NFKBIA: variants seen among roughly 807,000 people sequenced by gnomAD.
NFKBIA encodes the protein NFKB inhibitor alpha, also known as NF-kappa-B inhibitor alpha.
NFKBIA carries 10 observed loss-of-function variants against 36.3 expected under a neutral mutation model. That is an observed-to-expected ratio of 0.28 (90% confidence interval 0.17 to 0.47). NFKBIA has a LOEUF of 0.47. Ranked by LOEUF, NFKBIA falls within the 20% of genes least tolerant of loss-of-function variation. NFKBIA has a pLI of 0.99. For synonymous variants in NFKBIA, 205 were observed against 164.4 expected (o/e 1.25, Z -1.89); for missense variants, 355 against 399.3 (o/e 0.89, Z 0.94).
At chr14:35,403,486 A>C (rs1438575939) in intron 2 of NFKBIA, 126 bp from the exon 3 acceptor site, 1 of 1,076,040 alleles carries the variant, frequency 9.3e-7, no homozygotes, top group African/African-American at 1.6e-5. Flanking sequence ...AGGGCTGGCA[A>C]ATAGCAGAGG....
intron 5 of NFKBIA, among the ~76,000 whole-genome samples, 159 bp downstream of exon 5, chr14:35,402,235 A>AGTAAGCTATTAAAAAAAG (rs70937092): frequency 3.9e-4 from 58 of 148,944 alleles, no homozygotes; most frequent in Admixed American, 1.4e-3. Context: ...TTAAAAAAAG[A>AGTAAGCTATTAAAAAAAG]GGGGGGGCAG....
rs1473750287 is a variant in NFKBIA at position 35,402,750 on chromosome 14, TCGGG to T, written c.636+17_636+20del. On this transcript the variant is annotated intron_variant, in intron 4 of 5. Coordinates refer to ENST00000216797, the MANE Select transcript of NFKBIA (RefSeq NM_020529.3). ...AGCACGAGGAGCCTGACTCAGTGCG[TCGGG>T]GGCAGGAAGCACCAACCTGAGCATT... 2.5e-6 allele frequency: 4 copies of T among 1,613,944 alleles called. No homozygotes were observed. In the Admixed American group the frequency reaches 6.7e-5, roughly 27 times the overall value.
intron 4 of NFKBIA, 47 bp from the exon 5 acceptor site, chr14:35,402,710 T>G: frequency 6.2e-7 from 1 of 1,614,186 alleles, no homozygotes; most frequent in Non-Finnish European, 8.5e-7. Context: ...ATTTGGAATT[T>G]CTGCTCACAA....
In NFKBIA at chr14:35,402,613, A is replaced by C; in HGVS notation, c.687T>G (p.Asn229Lys). 6.2e-7 allele frequency: 1 copy of C among 1,614,206 alleles called. No homozygotes were observed. The highest frequency in any genetic ancestry group is 8.5e-7 in the Non-Finnish European group (1 of 1,180,042). The change falls in exon 5 of 6, where the codon AAT (asparagine) becomes AAG (lysine). Residue 229 changes from asparagine (N) to lysine (K), a missense_variant. Coordinates refer to ENST00000216797, the MANE Select transcript of NFKBIA (RefSeq NM_020529.3). The stretch of plus-strand genomic sequence containing the variant: ...TCAACAGGAGTGACACCAGGTCAGG[A>C]TTTTGCAGGTCCACTGCGAGGTGAA... ...TALHLAVDLQ[N>K]PDLVSLLLKC...
At position 35,403,813 on chromosome 14, in the gene NFKBIA, G is replaced by A. The variant is rs752721097; in HGVS notation, c.228-15C>T. 1.6e-5 allele frequency: 26 copies of A among 1,597,326 alleles called. No individual in the cohort carries two copies. In the Middle Eastern group the frequency reaches 1.0e-3, roughly 64 times the overall value. ...AGTGCAGGAACCTGTGGGGAAGAGA[G>A]GGAAAAACCCCAGGGGTGGTGAGTG... On this transcript the variant is annotated splice_polypyrimidine_tract_variant and intron_variant, in intron 1 of 5. Transcript: ENST00000216797.
chr14:35,403,940 T>C (rs1594427392), intron 1 of NFKBIA, 142 bp from the exon 2 acceptor site: 2 of 697,818 alleles, frequency 2.9e-6, no homozygotes, highest in Non-Finnish European at 2.6e-6. Flanking sequence ...TATTATGAGC[T>C]GAGTGTTCCT....
At chr14:35,403,667 C>A in intron 2 of NFKBIA, 23 bp downstream of exon 2, 1 of 1,574,562 alleles carries the variant, frequency 6.4e-7, no homozygotes, top group South Asian at 1.1e-5. Context: ...TCAGAGAGAA[C>A]CCGGGCCAGG....
chr14:35,401,722 T>C lies in NFKBIA; in HGVS notation c.*291A>G, dbSNP rs1219566614. 3 of 501,398 alleles carry C rather than the reference T, an allele frequency of 6.0e-6. No homozygotes were observed. Among genetic ancestry groups the C allele is most frequent in the Admixed American group, 6.8e-5 (2 of 29,488 alleles). 31.1% of individuals were successfully genotyped at this position (501,398 alleles called of 1,614,324 possible). On this transcript the variant is annotated 3_prime_UTR_variant, in exon 6 of 6. Transcript: ENST00000216797. ...CACTCGAAGCACAATAAATATAAAA[T>C]GTGGTCCTTCCATGAAATTTTTGAT... is the stretch of plus-strand genomic sequence containing the variant.
rs1247901906 is a variant in NFKBIA at position 35,402,427 on chromosome 14, T to A, written c.873A>T (p.Thr291=). 1 of 1,614,198 alleles carries A rather than the reference T, an allele frequency of 6.2e-7. No individual in the cohort carries two copies. Among genetic ancestry groups the A allele is most frequent in the Admixed American group, 1.7e-5 (1 of 60,016 alleles). The part of the protein sequence containing the change: ...PESEDEESYD[T]ESEFTEFTED... ...CTGTGAACTCCGTGAACTCTGACTC[T>A]GTGTCATAGCTCTCCTCATCCTCAC... Residue 291 remains threonine (T), a synonymous_variant, in exon 5 of 6, where the codon ACA becomes ACT. Transcript: ENST00000216797.
In NFKBIA at chr14:35,401,702, G is replaced by A. The variant is rs984657832; in HGVS notation, c.*311C>T. Reference sequence around the variant, plus strand: ...AGGATACCACTGGGGTCAGTCACTCGAAGCACAATAAATATAAAATGTGGT... The same window carrying A: ...AGGATACCACTGGGGTCAGTCACTCAAAGCACAATAAATATAAAATGTGGT... On this transcript the variant is annotated 3_prime_UTR_variant, in exon 6 of 6. Transcript: ENST00000216797. The A allele has an allele frequency of 1.5e-5, 7 of 463,686 alleles. No individual in the cohort carries two copies. Among genetic ancestry groups the A allele is most frequent in the African/African-American group, 5.8e-5 (3 of 51,536 alleles). 28.7% of individuals were successfully genotyped at this position (463,686 alleles called of 1,614,324 possible).
At chr14:35,404,194 T>G (rs1463714711) in intron 1 of NFKBIA, 1 of 324,526 alleles carries the variant, frequency 3.1e-6, no homozygotes. Flanking sequence ...GACGCTGCCA[T>G]CCACCAGGGC....
intron 1 of NFKBIA, chr14:35,404,195 C>G: frequency 3.1e-6 from 1 of 322,462 alleles, no homozygotes. Flanking sequence ...ACGCTGCCAT[C>G]CACCAGGGCC....
rs2052766860 is a variant in NFKBIA at position 35,404,448 on chromosome 14, C to G, written c.197G>C (p.Trp66Ser). 1.3e-6 allele frequency: 2 copies of G among 1,593,792 alleles called. No individual in the cohort carries two copies. The highest frequency in any genetic ancestry group is 2.3e-5 in the East Asian group (1 of 43,002). The change falls in exon 1 of 6, where the codon TGG (tryptophan) becomes TCG (serine). Residue 66 changes from tryptophan to serine, a missense_variant. By Grantham distance (177) the Trp-to-Ser change is radical. Coordinates refer to ENST00000216797, the MANE Select transcript of NFKBIA (RefSeq NM_020529.3). ...PQEVPRGSEP[W>S]KQQLTEDGDS... Reference sequence around the variant, plus strand: ...CCCGTCCTCGGTGAGCTGCTGCTTCCAGGGCTCCGAGCCGCGCGGCACCTC... The same window carrying G: ...CCCGTCCTCGGTGAGCTGCTGCTTCGAGGGCTCCGAGCCGCGCGGCACCTC...
At position 35,402,825 on chromosome 14, in the gene NFKBIA, G is replaced by C; in HGVS notation, c.582C>G (p.Gly194=). The change falls in exon 4 of 6, where the codon GGC becomes GGG. Residue 194 remains glycine, a synonymous_variant. Transcript: ENST00000216797. ...HTCLHLASIH[G]YLGIVELLVS... Reference sequence around the variant, plus strand: ...CCAAAAGCTCCACGATGCCCAGGTAGCCATGGATAGAGGCTAAGTGTAGAC... The same window carrying C: ...CCAAAAGCTCCACGATGCCCAGGTACCCATGGATAGAGGCTAAGTGTAGAC... 1 of 1,614,226 alleles carries C rather than the reference G, an allele frequency of 6.2e-7. No homozygotes were observed. Among genetic ancestry groups the C allele is most frequent in the South Asian group, 1.1e-5 (1 of 91,090 alleles).
At chr14:35,403,512 A>G (rs2052751134) in intron 2 of NFKBIA, 152 bp from the exon 3 acceptor site, 11 of 925,036 alleles carry the variant, frequency 1.2e-5, no homozygotes, top group Non-Finnish European at 1.9e-5. Context: ...GGTGGGTCAT[A>G]AAGACCTCAC....
At chr14:35,403,974 C>T (rs2138833202) in intron 1 of NFKBIA, 176 bp from the exon 2 acceptor site, 1 of 623,886 alleles carries the variant, frequency 1.6e-6, no homozygotes, top group Non-Finnish European at 2.9e-6. Context: ...GGACTTTCCG[C>T]CCCCCTCCCC....
intron 2 of NFKBIA, 114 bp from the exon 3 acceptor site, chr14:35,403,474 G>C: frequency 8.3e-7 from 1 of 1,200,734 alleles, no homozygotes; most frequent in Non-Finnish European, 1.2e-6. Context: ...AGGGGGGTGG[G>C]GAGGGCTGGC....
In NFKBIA at chr14:35,401,971, T is replaced by G. The variant is rs778389686; in HGVS notation, c.*42A>C. The stretch of plus-strand genomic sequence containing the variant: ...TTTTAGAAAAATAAAACTTTTTTTT[T>G]GTACAAATATACAAGTCCATGTTCT... On this transcript the variant is annotated 3_prime_UTR_variant, in exon 6 of 6. Coordinates refer to ENST00000216797, the MANE Select transcript of NFKBIA (RefSeq NM_020529.3). 2.7e-5 allele frequency: 44 copies of G among 1,607,122 alleles called. No individual in the cohort carries two copies. The highest frequency in any genetic ancestry group is 1.7e-4 in the Middle Eastern group (1 of 5,762).
rs750474873 is a variant in NFKBIA at position 35,403,833 on chromosome 14, T to G, written c.228-35A>C. On this transcript the variant is annotated intron_variant, in intron 1 of 5. Transcript: ENST00000216797. The stretch of plus-strand genomic sequence containing the variant: ...AGAGAGGGAAAAACCCCAGGGGTGG[T>G]GAGTGCACCGCGTGGGGCCCAGGGA... 3 of 1,508,538 alleles carry G rather than the reference T, an allele frequency of 2.0e-6. No homozygotes were observed. The South Asian group carries it at 3.4e-5, about 17-fold the overall frequency. The allele number at this position is 1,508,538 out of a possible 1,614,324, so 93.4% of individuals were successfully genotyped here. A position where few individuals can be genotyped will look rare whatever the true frequency, so the allele number is the denominator to read the frequency against.
Sources: allele counts gnomAD v4.1 joint callset (sites outside exome capture counted in the v4.1 genomes callset), GRCh38; gene constraint gnomAD v4.1.1; transcripts MANE v1.5; gene names NCBI Gene and HGNC (gene_info 2026-07-23, HGNC 2026-07-21).